Variants in MGAT5 observed in about 807,000 individuals in gnomAD.
The protein encoded by MGAT5 is alpha-1,6-mannosylglycoprotein 6-beta-N-acetylglucosaminyltransferase A.
A neutral mutation model predicts 94.3 loss-of-function variants in MGAT5; 30 were observed. The observed-to-expected ratio is 0.32, with a 90% CI of 0.24 to 0.43. The LOEUF (loss-of-function observed/expected upper bound fraction) is 0.43. Among genes scored for constraint, MGAT5 ranks in the 20% least tolerant of loss-of-function variants. The pLI is 1.00. For synonymous variants in MGAT5, 310 were observed against 322.9 expected, an observed-to-expected ratio of 0.96 and a Z score of 0.43; for missense variants, 691 against 905.5, an observed-to-expected ratio of 0.76 and a Z score of 3.04.
At chr2:134,173,184 A>G (rs1252949094) in intron 1 of MGAT5, among the ~76,000 whole-genome samples, 1 of 152,190 alleles carries the variant, frequency 6.6e-6, no homozygotes, top group Admixed American at 6.5e-5. Context: ...TATTTAATCC[A>G]TCCTTTCATG....
intron 1 of MGAT5, among the ~76,000 whole-genome samples, chr2:134,206,563 G>A (rs964047029): frequency 6.6e-6 from 1 of 152,138 alleles, no homozygotes; most frequent in South Asian, 2.1e-4. Context: ...CACCCTCCAG[G>A]TGTTAGGCTG....
At chr2:134,289,621 T>C (rs1685225193) in intron 2 of MGAT5, among the ~76,000 whole-genome samples, 1 of 152,250 alleles carries the variant, frequency 6.6e-6, no homozygotes, top group African/African-American at 2.4e-5. Context: ...TCCAGTTTCC[T>C]ACCATATGCT....
At chr2:134,267,172 G>A (rs1426956643) in intron 1 of MGAT5, among the ~76,000 whole-genome samples, 1 of 152,192 alleles carries the variant, frequency 6.6e-6, no homozygotes, top group Non-Finnish European at 1.5e-5. Flanking sequence ...GCAAGTCAGA[G>A]ATGCTTGCTG....
At chr2:134,194,207 A>G (rs1487670911) in intron 1 of MGAT5, among the ~76,000 whole-genome samples, 2 of 152,216 alleles carry the variant, frequency 1.3e-5, no homozygotes, top group Non-Finnish European at 2.9e-5. Flanking sequence ...TAGTATTGTT[A>G]TAAATCTGTA....
At chr2:134,395,789 C>T (rs1395665650) in intron 10 of MGAT5, among the ~76,000 whole-genome samples, 1 of 152,200 alleles carries the variant, frequency 6.6e-6, no homozygotes, top group Non-Finnish European at 1.5e-5. Context: ...CCTAATTGGA[C>T]AGTAGAGAAT....
At chr2:134,196,742 A>G (rs529953725) in intron 1 of MGAT5, among the ~76,000 whole-genome samples, 16 of 152,344 alleles carry the variant, frequency 1.1e-4, no homozygotes, top group African/African-American at 3.6e-4. Context: ...TTCTTAAAAA[A>G]TGGAATTTTT....
At chr2:134,130,149 C>T (rs889591449) in intron 1 of MGAT5, among the ~76,000 whole-genome samples, 11 of 151,686 alleles carry the variant, frequency 7.3e-5, no homozygotes, top group Non-Finnish European at 1.5e-4. Context: ...CTGGCCTCAG[C>T]CATCTTCCCG....
At chr2:134,302,647 G>A (rs1686089026) in intron 2 of MGAT5, among the ~76,000 whole-genome samples, 1 of 151,018 alleles carries the variant, frequency 6.6e-6, no homozygotes, top group African/African-American at 2.4e-5. Context: ...GTAGGGGCTG[G>A]CATTTTTCAA....
chr2:134,137,667 A>G (rs1686471799), intron 1 of MGAT5, among the ~76,000 whole-genome samples: 1 of 152,214 alleles, frequency 6.6e-6, no homozygotes, highest in Non-Finnish European at 1.5e-5. Flanking sequence ...ATATGAAAAG[A>G]TAATGGGAAT....
At chr2:134,168,827 G>A (rs948414821) in intron 1 of MGAT5, among the ~76,000 whole-genome samples, 2 of 152,208 alleles carry the variant, frequency 1.3e-5, no homozygotes, top group Non-Finnish European at 2.9e-5. Context: ...AGGGAAATCC[G>A]TGGTTGTTTT....
At chr2:134,415,619 G>C (rs1342773229) in intron 12 of MGAT5, among the ~76,000 whole-genome samples, 1 of 152,130 alleles carries the variant, frequency 6.6e-6, no homozygotes, top group Non-Finnish European at 1.5e-5. Context: ...AAGCTCTTTA[G>C]TTTGATGCAA....
At chr2:134,423,245 C>T (rs1002424366) in intron 13 of MGAT5, among the ~76,000 whole-genome samples, 6 of 152,172 alleles carry the variant, frequency 3.9e-5, no homozygotes, top group Admixed American at 1.3e-4. Flanking sequence ...GAAAAGATAG[C>T]CCTGCTTCCT....
intron 10 of MGAT5, among the ~76,000 whole-genome samples, chr2:134,367,233 A>G (rs1428742705): frequency 6.6e-6 from 1 of 152,242 alleles, no homozygotes; most frequent in Non-Finnish European, 1.5e-5. Flanking sequence ...TGCTGCTCTT[A>G]CTAATATCAT....
intron 2 of MGAT5, among the ~76,000 whole-genome samples, chr2:134,280,517 G>A (rs1558756569): frequency 6.6e-6 from 1 of 152,248 alleles, no homozygotes; most frequent in Non-Finnish European, 1.5e-5. Context: ...GTTTTAAGCT[G>A]TCTTGAAGTT....
chr2:134,191,236 A>G lies in MGAT5; in HGVS notation c.-142-63026A>G, dbSNP rs186350741. 1.0e-3 allele frequency among the ~76,000 whole-genome samples: 154 copies of G among 152,376 alleles called. 1 individual carries two copies. Among genetic ancestry groups the G allele is most frequent in the Non-Finnish European group, 1.8e-3 (123 of 68,042 alleles). On this transcript the variant is annotated intron_variant, in intron 1 of 16. Transcript: ENST00000409645. Reference sequence around the variant, plus strand: ...AAGTGACAATAAAACGTACACGACAAACTTTGAGAGCATGGGGTATTGTCA... The same window carrying G: ...AAGTGACAATAAAACGTACACGACAGACTTTGAGAGCATGGGGTATTGTCA...
rs1680154006 is a variant in MGAT5 at position 134,362,419 on chromosome 2, CTG to C, written c.1380+14_1380+15del. ...GATAGCTTCTGGAAGGTGAGTCAGT[CTG>C]TGCGTGTCTCTCTCTCTGAAAAGAA... On this transcript the variant is annotated intron_variant, in intron 10 of 15. Transcript: ENST00000281923. 1.2e-6 allele frequency: 2 copies of C among 1,608,518 alleles called. No homozygotes were observed. Among genetic ancestry groups the C allele is most frequent in the Non-Finnish European group, 1.7e-6 (2 of 1,178,254 alleles).
chr2:134,405,227 T>A (rs1683264493), intron 11 of MGAT5, among the ~76,000 whole-genome samples: 1 of 152,244 alleles, frequency 6.6e-6, no homozygotes, highest in Non-Finnish European at 1.5e-5. Flanking sequence ...TCCAAGTTTG[T>A]CTAATGAGCA....
At chr2:134,232,421 G>A (rs1256211882) in intron 1 of MGAT5, among the ~76,000 whole-genome samples, 2 of 152,164 alleles carry the variant, frequency 1.3e-5, no homozygotes, top group African/African-American at 4.8e-5. Flanking sequence ...GTATTTAGGT[G>A]TATATCCTAT....
intron 4 of MGAT5, among the ~76,000 whole-genome samples, chr2:134,320,286 A>T (rs1454680536): frequency 9.2e-5 from 14 of 152,286 alleles, no homozygotes; most frequent in African/African-American, 3.4e-4. Context: ...GAAGTAACTA[A>T]AAGATAGTTA....
Sources: allele counts gnomAD v4.1 joint callset (sites outside exome capture counted in the v4.1 genomes callset), GRCh38; gene constraint gnomAD v4.1.1; transcripts MANE v1.5; gene names NCBI Gene and HGNC (gene_info 2026-07-23, HGNC 2026-07-21).